Variants in OR1I1 observed in about 807,000 individuals in gnomAD.
OR1I1 encodes the protein olfactory receptor 1I1.
For synonymous variants in OR1I1, 171 were observed against 181.4 expected (o/e 0.94, Z 0.46); for missense variants, 451 against 443.6 (o/e 1.02, Z -0.15).
At chr19:15,085,150 A>G (rs1416329382) in intron 1 of OR1I1, among the ~76,000 whole-genome samples, 3 of 31,878 alleles carry the variant, frequency 9.4e-5, no homozygotes, top group East Asian at 7.0e-4. Flanking sequence ...ATATATATAT[A>G]TATATATATA....
At chr19:15,085,759 C>T (rs2046227983) in intron 1 of OR1I1, among the ~76,000 whole-genome samples, 1 of 151,904 alleles carries the variant, frequency 6.6e-6, no homozygotes, top group African/African-American at 2.4e-5. Context: ...ATTTTAAATT[C>T]CACATATAAG....
Position 15,084,804 on chromosome 19 carries a change from C to T in OR1I1, c.-13-2249C>T, listed in dbSNP as rs569616938. On this transcript the variant is annotated intron_variant, in intron 1 of 1. Transcript: ENST00000641398. Reference sequence around the variant, plus strand: ...GGAAAAAAAAAGAAAGAAACTGGCTCCTAAGAAGGTTTAACCCATTACAGA... The same window carrying T: ...GGAAAAAAAAAGAAAGAAACTGGCTTCTAAGAAGGTTTAACCCATTACAGA... Among the ~76,000 whole-genome samples, 14 of 151,838 alleles carry T rather than the reference C, an allele frequency of 9.2e-5. No individual in the cohort carries two copies. In the East Asian group the frequency reaches 2.5e-3, roughly 27 times the overall value.
At position 15,092,134 on chromosome 19, in the gene OR1I1, T is replaced by TCC. The variant is rs745927525; in HGVS notation, c.*4004_*4005dup. On this transcript the variant is annotated 3_prime_UTR_variant, in exon 2 of 2. Coordinates refer to ENST00000641398, the MANE Select transcript of OR1I1 (RefSeq NM_001004713.2). Reference sequence around the variant, plus strand: ...TTGGTTTTTGGTTGTTTTTTTTTTTTCCCCGGAAACTTGTATTCTAGCTGT... The same window carrying TCC: ...TTGGTTTTTGGTTGTTTTTTTTTTTTCCCCCCGGAAACTTGTATTCTAGCTGT... 0.13 allele frequency: 16,731 copies of TCC among 125,924 alleles called. 1,754 individuals are homozygous for TCC. The highest frequency in any genetic ancestry group is 0.28 in the South Asian group (1,025 of 3,694). 7.8% of individuals were successfully genotyped at this position (125,924 alleles called of 1,614,324 possible). A position where few individuals can be genotyped will look rare whatever the true frequency, so the allele number is the denominator to read the frequency against.
rs1315707065 is a variant in OR1I1, at chr19:15,092,894, G to C, written c.*4761G>C. The C allele has an allele frequency of 1.3e-5, 2 of 151,808 alleles. No homozygotes were observed. Among genetic ancestry groups the C allele is most frequent in the African/African-American group, 4.9e-5 (2 of 41,066 alleles). The allele number at this position is 151,808 out of a possible 1,614,324, so 9.4% of individuals were successfully genotyped here. On this transcript the variant is annotated 3_prime_UTR_variant, in exon 2 of 2. Transcript: ENST00000641398. Reference sequence around the variant, plus strand: ...CATGCCTGTAGTCTCAGCTACTCAGGAGGCTGAGGAAGGAGGATCACTTAA... The same window carrying C: ...CATGCCTGTAGTCTCAGCTACTCAGCAGGCTGAGGAAGGAGGATCACTTAA...
In OR1I1 at chr19:15,087,631, G is replaced by A. The variant is rs752122664; in HGVS notation, c.566G>A (p.Gly189Asp). The A allele has an allele frequency of 1.2e-6, 2 of 1,614,040 alleles. No individual in the cohort carries two copies. Among genetic ancestry groups the A allele is most frequent in the Non-Finnish European group, 1.7e-6 (2 of 1,180,040 alleles). Reference sequence around the variant, plus strand: ...CTCATGCCCCTGCTGAAGCTCTCCGGCTCAGACACGCACACCAACGAGCTG... The same window carrying A: ...CTCATGCCCCTGCTGAAGCTCTCCGACTCAGACACGCACACCAACGAGCTG... ...CDLMPLLKLS[G>D]SDTHTNELVI... Residue 189 changes from glycine (G) to aspartate (D), a missense_variant, in exon 2 of 2, where the codon GGC becomes GAC. Coordinates refer to ENST00000641398, the MANE Select transcript of OR1I1 (RefSeq NM_001004713.2).
rs1264477301 is a variant in OR1I1, at chr19:15,087,034, C to T, written c.-13-19C>T. 6.4e-7 allele frequency: 1 copy of T among 1,571,766 alleles called. No homozygotes were observed. The highest frequency in any genetic ancestry group is 1.8e-5 in the Admixed American group (1 of 55,640). On this transcript the variant is annotated intron_variant, in intron 1 of 1. Coordinates refer to ENST00000641398, the MANE Select transcript of OR1I1 (RefSeq NM_001004713.2). ...ACACCTGGCTCTGTGTGGTTTTTCTCCCTTTTTGTTCCCACTAGTCACAGA... is the reference window on the plus strand; with the variant it reads ...ACACCTGGCTCTGTGTGGTTTTTCTTCCTTTTTGTTCCCACTAGTCACAGA...
At position 15,089,229 on chromosome 19, in the gene OR1I1, G is replaced by A. The variant is rs891311367; in HGVS notation, c.*1096G>A. ...AGCCAGCAAGCCTCAGCCTCCTGGGGGGTCTTGAGACCTCCACTTGTAACT... is the reference window on the plus strand; with the variant it reads ...AGCCAGCAAGCCTCAGCCTCCTGGGAGGTCTTGAGACCTCCACTTGTAACT... On this transcript the variant is annotated 3_prime_UTR_variant, in exon 2 of 2. Transcript: ENST00000641398. 2.0e-5 allele frequency: 3 copies of A among 152,084 alleles called. No homozygotes were observed. The highest frequency in any genetic ancestry group is 2.9e-5 in the Non-Finnish European group (2 of 68,012). The allele number at this position is 152,084 out of a possible 1,614,324, so 9.4% of individuals were successfully genotyped here. A position where few individuals can be genotyped will look rare whatever the true frequency, so the allele number is the denominator to read the frequency against.
chr19:15,083,573 C>G (rs2046217586), intron 1 of OR1I1, among the ~76,000 whole-genome samples: 1 of 132,022 alleles, frequency 7.6e-6, no homozygotes, highest in Non-Finnish European at 1.6e-5. Flanking sequence ...GCAAAAACCT[C>G]AAGTCCAACA....
At position 15,092,686 on chromosome 19, in the gene OR1I1, C is replaced by A. The variant is rs1054890753; in HGVS notation, c.*4553C>A. 1 of 152,146 alleles carries A rather than the reference C, an allele frequency of 6.6e-6. No homozygotes were observed. Among genetic ancestry groups the A allele is most frequent in the Non-Finnish European group, 1.5e-5 (1 of 68,030 alleles). The allele number at this position is 152,146 out of a possible 1,614,324, so 9.4% of individuals were successfully genotyped here. A position where few individuals can be genotyped will look rare whatever the true frequency, so the allele number is the denominator to read the frequency against. The stretch of plus-strand genomic sequence containing the variant: ...TTGTAGCCTTTGGGTTTGTTTTCAA[C>A]CACTTTTAAAATGTTAAAACTACTC... On this transcript the variant is annotated 3_prime_UTR_variant, in exon 2 of 2. Coordinates refer to ENST00000641398, the MANE Select transcript of OR1I1 (RefSeq NM_001004713.2).
At chr19:15,086,892 A>T in intron 1 of OR1I1, 161 bp from the exon 2 acceptor site, 1 of 1,130,672 alleles carries the variant, frequency 8.8e-7, no homozygotes, top group Non-Finnish European at 1.2e-6. Context: ...GAGCAACAGA[A>T]GCCCACTGAA....
chr19:15,090,173 G>C lies in OR1I1; in HGVS notation c.*2040G>C, dbSNP rs1472272274. The C allele has an allele frequency of 6.7e-6, 1 of 149,008 alleles. No individual in the cohort carries two copies. Among genetic ancestry groups the C allele is most frequent in the Non-Finnish European group, 1.5e-5 (1 of 67,696 alleles). 9.2% of individuals were successfully genotyped at this position (149,008 alleles called of 1,614,324 possible). A position where few individuals can be genotyped will look rare whatever the true frequency, so the allele number is the denominator to read the frequency against. The stretch of plus-strand genomic sequence containing the variant: ...CTCTCAGCCCTCAGAAGGAACCAAG[G>C]AATCAAAGCTGCTGACAACTGATCT... On this transcript the variant is annotated 3_prime_UTR_variant, in exon 2 of 2. Coordinates refer to ENST00000641398, the MANE Select transcript of OR1I1 (RefSeq NM_001004713.2).
In OR1I1 at chr19:15,089,310, C is replaced by T. The variant is rs912821149; in HGVS notation, c.*1177C>T. On this transcript the variant is annotated 3_prime_UTR_variant, in exon 2 of 2. Coordinates refer to ENST00000641398, the MANE Select transcript of OR1I1 (RefSeq NM_001004713.2). ...TCCCAACAGGCTTCCTGTCTCCCCA[C>T]AACCCCCAGTCAAGGGGACTCTGAT... is the stretch of plus-strand genomic sequence containing the variant. The T allele has an allele frequency of 1.3e-5, 2 of 152,180 alleles. No homozygotes were observed. Among genetic ancestry groups the T allele is most frequent in the Non-Finnish European group, 2.9e-5 (2 of 68,060 alleles). The allele number at this position is 152,180 out of a possible 1,614,324, so 9.4% of individuals were successfully genotyped here. A position where few individuals can be genotyped will look rare whatever the true frequency, so the allele number is the denominator to read the frequency against.
chr19:15,087,634 C>G lies in OR1I1; in HGVS notation c.569C>G (p.Ser190Ter). 1 of 1,614,196 alleles carries G rather than the reference C, an allele frequency of 6.2e-7. No homozygotes were observed. The highest frequency in any genetic ancestry group is 8.5e-7 in the Non-Finnish European group (1 of 1,180,048). Residue 190 changes from serine (S) to a stop codon, truncating the protein, a stop_gained, in exon 2 of 2, where the codon TCA (serine) becomes TGA (stop). Coordinates refer to ENST00000641398, the MANE Select transcript of OR1I1 (RefSeq NM_001004713.2). LOFTEE classifies it low-confidence loss of function (END_TRUNC). ...ATGCCCCTGCTGAAGCTCTCCGGCT[C>G]AGACACGCACACCAACGAGCTGGTG... ...DLMPLLKLSG[S>*]DTHTNELVIF...
chr19:15,084,978 T>C (rs910580772), intron 1 of OR1I1, among the ~76,000 whole-genome samples: 43 of 151,500 alleles, frequency 2.8e-4, no homozygotes, highest in African/African-American at 1.0e-3. Flanking sequence ...AGTGAGACCC[T>C]GTCTCAAAAT....
At chr19:15,086,790 AG>A (rs1478563704) in intron 1 of OR1I1, among the ~76,000 whole-genome samples, 2 of 151,994 alleles carry the variant, frequency 1.3e-5, no homozygotes. Context: ...AGGAAGCAAA[AG>A]TGTTTATAGA....
At position 15,090,246 on chromosome 19, in the gene OR1I1, G is replaced by A. The variant is rs936618926; in HGVS notation, c.*2113G>A. The A allele has an allele frequency of 2.9e-5, 4 of 137,106 alleles. No individual in the cohort carries two copies. Among genetic ancestry groups the A allele is most frequent in the Non-Finnish European group, 3.0e-5 (2 of 66,526 alleles). The allele number at this position is 137,106 out of a possible 1,614,324, so 8.5% of individuals were successfully genotyped here. ...AGACGGAGTCTTGCTCTGTCATCCC[G>A]GCTGGATGCAGTGGCATGATTTTGG... On this transcript the variant is annotated 3_prime_UTR_variant, in exon 2 of 2. Coordinates refer to ENST00000641398, the MANE Select transcript of OR1I1 (RefSeq NM_001004713.2).
chr19:15,085,147 TATATATATATATATATATATATATA>T (rs1282345162), intron 1 of OR1I1, among the ~76,000 whole-genome samples: 1,272 of 33,886 alleles, frequency 0.038, 103 homozygotes, highest in African/African-American at 0.14. Context: ...TATATATATA[TATATATATATATATATATATATATA>T]TATATTTTTT....
chr19:15,085,130 T>TTTTATATATATATATATA (rs1253261208), intron 1 of OR1I1, among the ~76,000 whole-genome samples: 5 of 28,522 alleles, frequency 1.8e-4, no homozygotes, highest in Non-Finnish European at 3.9e-4. Context: ...CATTTTTGAC[T>TTTTATATATATATATATA]TATATATATA....
intron 1 of OR1I1, among the ~76,000 whole-genome samples, chr19:15,085,215 G>C (rs1239752065): frequency 1.6e-4 from 21 of 133,180 alleles, no homozygotes; most frequent in Non-Finnish European, 4.7e-5. Flanking sequence ...TTGTTGCCAA[G>C]GCTGGAGTAC....
Sources: allele counts gnomAD v4.1 joint callset (sites outside exome capture counted in the v4.1 genomes callset), GRCh38; gene constraint gnomAD v4.1.1; transcripts MANE v1.5; gene names NCBI Gene and HGNC (gene_info 2026-07-23, HGNC 2026-07-21).